Variants in RNF130 observed in about 807,000 individuals in gnomAD.
The protein encoded by RNF130 is ring finger protein 130, also known as E3 ubiquitin-protein ligase RNF130.
A neutral mutation model predicts 44.6 loss-of-function variants in RNF130; 21 were observed. That is an observed-to-expected ratio of 0.47 (90% CI 0.33 to 0.68). RNF130 has a LOEUF of 0.68. RNF130 is among the 30% of genes least tolerant of loss of function. RNF130 has a pLI of 0.02. For missense variants in RNF130, 479 were observed against 560.6 expected (o/e 0.85, Z 1.47); for synonymous variants, 214 against 210.4 (o/e 1.02, Z -0.15).
At chr5:179,996,691 A>G (rs1304419319) in intron 3 of RNF130, among the ~76,000 whole-genome samples, 1 of 152,162 alleles carries the variant, frequency 6.6e-6, no homozygotes, top group Non-Finnish European at 1.5e-5. Flanking sequence ...GCTCTTTTCA[A>G]TGTGTTGCTG....
intron 5 of RNF130, 62 bp downstream of exon 5, chr5:179,978,141 G>A: frequency 7.1e-7 from 1 of 1,399,640 alleles, no homozygotes. Flanking sequence ...TGCCCACCCT[G>A]AAAAGGAGGC....
intron 7 of RNF130, among the ~76,000 whole-genome samples, chr5:179,947,150 T>G (rs1462825569): frequency 6.6e-6 from 1 of 152,216 alleles, no homozygotes; most frequent in East Asian, 1.9e-4. Context: ...TCACCATTCT[T>G]GCCTCCTGGT....
intron 2 of RNF130, among the ~76,000 whole-genome samples, chr5:180,029,567 C>T (rs1764074936): frequency 6.6e-6 from 1 of 152,178 alleles, no homozygotes; most frequent in African/African-American, 2.4e-5. Flanking sequence ...GGCATTTTTA[C>T]TAATCTTAAA....
intron 7 of RNF130, chr5:179,939,717 A>G: frequency 2.2e-6 from 1 of 453,192 alleles, no homozygotes; most frequent in Non-Finnish European, 4.4e-6. Context: ...TCCACTTCCA[A>G]AAGACGGAAA....
At chr5:179,980,014 G>A (rs1273967917) in intron 4 of RNF130, 115 bp downstream of exon 4, 17 of 833,752 alleles carry the variant, frequency 2.0e-5, no homozygotes, top group Middle Eastern at 2.3e-4. Flanking sequence ...AGGTAGTGTA[G>A]TTGGAGAAAA....
At chr5:180,061,927 C>A (rs1171443510) in intron 1 of RNF130, among the ~76,000 whole-genome samples, 1 of 152,142 alleles carries the variant, frequency 6.6e-6, no homozygotes, top group Non-Finnish European at 1.5e-5. Context: ...GTTCTGTAGG[C>A]TGGGAAGTCC....
At chr5:179,963,923 G>A (rs962563891) in intron 7 of RNF130, 2 of 211,026 alleles carry the variant, frequency 9.5e-6, no homozygotes, top group South Asian at 8.7e-5. Flanking sequence ...AGTAGACTAA[G>A]CATATTTATA....
chr5:179,931,199 C>T (rs1046516086), intron 7 of RNF130, among the ~76,000 whole-genome samples: 5 of 152,080 alleles, frequency 3.3e-5, no homozygotes, highest in Admixed American at 1.3e-4. Flanking sequence ...CCTGAAGTAC[C>T]GCACATCTGA....
At chr5:180,015,442 T>A (rs531248672) in intron 2 of RNF130, 1 of 464,830 alleles carries the variant, frequency 2.2e-6, no homozygotes, top group Admixed American at 2.2e-5. Context: ...AGACTCAAGC[T>A]GGAAAAGGAG....
At chr5:180,059,650 G>A (rs1444191409) in intron 1 of RNF130, among the ~76,000 whole-genome samples, 3 of 152,194 alleles carry the variant, frequency 2.0e-5, no homozygotes, top group Non-Finnish European at 2.9e-5. Context: ...AAACCAACCC[G>A]TGTACAGAGC....
At chr5:180,067,224 C>T (rs1294940171) in intron 1 of RNF130, among the ~76,000 whole-genome samples, 1 of 152,190 alleles carries the variant, frequency 6.6e-6, no homozygotes. Flanking sequence ...TTCTGCTCCC[C>T]TCCATGAAGG....
At position 179,998,859 on chromosome 5, in the gene RNF130, T is replaced by TATATATATATA. The variant is rs1554103680; in HGVS notation, c.693+14201_693+14202insTATATATATAT. On this transcript the variant is annotated intron_variant, in intron 3 of 8. Transcript: ENST00000521389. Reference sequence around the variant, plus strand: ...TCTCTCTCTTTAGATCTAGTATTTTTTATATATATATATATATATATATAT... The same window carrying TATATATATATA: ...TCTCTCTCTTTAGATCTAGTATTTTTATATATATATATATATATATATATATATATATATAT... Among the ~76,000 whole-genome samples the TATATATATATA allele has an allele frequency of 7.9e-3, 697 of 88,610 alleles. 16 individuals carry two copies. Among genetic ancestry groups the TATATATATATA allele is most frequent in the Non-Finnish European group, 8.3e-3 (357 of 42,854 alleles). 58.1% of individuals were successfully genotyped at this position (88,610 alleles called of 152,430 possible). A position where few individuals can be genotyped will look rare whatever the true frequency, so the allele number is the denominator to read the frequency against.
intron 3 of RNF130, among the ~76,000 whole-genome samples, chr5:180,003,933 A>C (rs1763405483): frequency 6.6e-6 from 1 of 152,250 alleles, no homozygotes; most frequent in African/African-American, 2.4e-5. Context: ...TATTCGGTAC[A>C]TACCATGTGC....
chr5:180,022,546 C>T (rs1265314800), intron 2 of RNF130, among the ~76,000 whole-genome samples: 2 of 152,190 alleles, frequency 1.3e-5, no homozygotes, highest in Non-Finnish European at 2.9e-5. Flanking sequence ...CATCTCCTTA[C>T]ATCTGATTAT....
At chr5:180,019,103 G>A (rs969415865) in intron 2 of RNF130, among the ~76,000 whole-genome samples, 1 of 152,220 alleles carries the variant, frequency 6.6e-6, no homozygotes, top group Non-Finnish European at 1.5e-5. Context: ...ATCACTTTGA[G>A]GCCGGGCGGG....
At chr5:180,013,432 T>C in intron 2 of RNF130, 121 bp from the exon 3 acceptor site, 1 of 853,376 alleles carries the variant, frequency 1.2e-6, no homozygotes, top group Admixed American at 3.0e-5. Flanking sequence ...GTATGCAAAC[T>C]CCACTTCTCA....
At chr5:180,005,775 C>T (rs1180594944) in intron 3 of RNF130, among the ~76,000 whole-genome samples, 1 of 152,188 alleles carries the variant, frequency 6.6e-6, no homozygotes, top group Non-Finnish European at 1.5e-5. Context: ...AACTCCTATA[C>T]CACACAGTAT....
At chr5:179,973,407 T>C (rs1762631837) in intron 5 of RNF130, among the ~76,000 whole-genome samples, 1 of 152,208 alleles carries the variant, frequency 6.6e-6, no homozygotes, top group African/African-American at 2.4e-5. Flanking sequence ...CTGTGGCCTT[T>C]TCTTCCCTTC....
At chr5:180,037,790 G>A (rs1764281982) in intron 2 of RNF130, among the ~76,000 whole-genome samples, 1 of 152,086 alleles carries the variant, frequency 6.6e-6, no homozygotes. Flanking sequence ...CCAAAGTATT[G>A]TTCCAATTTA....
Sources: gnomAD v4.1 joint callset for allele counts (sites outside exome capture counted in the v4.1 genomes callset) on GRCh38, gnomAD v4.1.1 for gene constraint, MANE v1.5 for transcripts, NCBI Gene and HGNC (gene_info 2026-07-23, HGNC 2026-07-21) for gene names.